Variants in PIAS1 observed in about 807,000 individuals in gnomAD.
PIAS1 encodes protein inhibitor of activated STAT 1, also known as E3 SUMO-protein ligase PIAS1.
Under a neutral mutation model 71.3 loss-of-function variants are expected in PIAS1, and 6 were observed. The ratio of observed to expected loss-of-function variants is 0.08; its 90% CI spans 0.05 to 0.17. The LOEUF (loss-of-function observed/expected upper bound fraction) is 0.17, where lower values mean the gene tolerates loss of function less well. Among genes scored for constraint, PIAS1 ranks in the 10% least tolerant of loss-of-function variants. The pLI is 1.00. For missense variants in PIAS1, 555 were observed against 793.6 expected, an observed-to-expected ratio of 0.70 and a Z score of 3.61; for synonymous variants, 303 against 292.9, an observed-to-expected ratio of 1.03 and a Z score of -0.35.
Position 68,086,638 on chromosome 15 carries a change from A to G in PIAS1, c.357A>G (p.Glu119=), listed in dbSNP as rs1179067211. The change falls in exon 2 of 14, where the codon GAA becomes GAG. Residue 119 remains glutamate, a synonymous_variant. Coordinates refer to ENST00000249636, the MANE Select transcript of PIAS1 (RefSeq NM_016166.3). This position sits in a 1 kb window ranked among gnomAD's most constrained non-coding sequence, Gnocchi z 7.2. ...LPVSLLGPKH[E]LELPHLTSAL... is the part of the protein sequence containing the mutation. ...TTTCTCTTCTGGGACCTAAACATGA[A>G]CTGGAACTCCCACATCTTACATCAG... The G allele has an allele frequency of 2.5e-6, 4 of 1,613,354 alleles. No homozygotes were observed. The highest frequency in any genetic ancestry group is 1.1e-5 in the South Asian group (1 of 91,058).
intron 1 of PIAS1, chr15:68,055,686 G>A (rs1224688538): frequency 2.4e-6 from 1 of 420,654 alleles, no homozygotes; most frequent in Non-Finnish European, 4.2e-6. Flanking sequence ...TGACATCTCT[G>A]TCAGAGAGGA....
chr15:68,157,618 T>A (rs2092899596), intron 7 of PIAS1, among the ~76,000 whole-genome samples: 1 of 152,156 alleles, frequency 6.6e-6, no homozygotes, highest in Non-Finnish European at 1.5e-5. Context: ...TCCTTGAAAT[T>A]CTCTCCTTTC....
chr15:68,098,013 C>T (rs78486329), intron 2 of PIAS1, among the ~76,000 whole-genome samples: 1 of 152,034 alleles, frequency 6.6e-6, no homozygotes, highest in African/African-American at 2.4e-5. Context: ...CCAAAACTTC[C>T]TTTGAATATT....
At chr15:68,124,645 G>A (rs997014565) in intron 2 of PIAS1, among the ~76,000 whole-genome samples, 2 of 152,004 alleles carry the variant, frequency 1.3e-5, no homozygotes, top group South Asian at 4.1e-4. Flanking sequence ...CTCTTGAACC[G>A]GGAGGCAGAT....
At position 68,164,024 on chromosome 15, in the gene PIAS1, A is replaced by G. The variant is rs73423792; in HGVS notation, c.935-707A>G. ...AAAGAGAATGAAAGAACAGCCTTGG[A>G]AAAGTAAAATTACTAGTGTCTCCTC... On this transcript the variant is annotated intron_variant, in intron 7 of 13. Coordinates refer to ENST00000249636, the MANE Select transcript of PIAS1 (RefSeq NM_016166.3). 1.8e-3 allele frequency among the ~76,000 whole-genome samples: 277 copies of G among 152,314 alleles called. 1 individual carries two copies. The highest frequency in any genetic ancestry group is 6.0e-3 in the African/African-American group (249 of 41,572).
Position 68,167,941 on chromosome 15 carries a change from A to G in PIAS1, c.1008+3137A>G, listed in dbSNP as rs2092967362. Among the ~76,000 whole-genome samples, 1 of 152,114 alleles carries G rather than the reference A, an allele frequency of 6.6e-6. No homozygotes were observed. Among genetic ancestry groups the G allele is most frequent in the African/African-American group, 2.4e-5 (1 of 41,412 alleles). On this transcript the variant is annotated intron_variant, in intron 8 of 13. Transcript: ENST00000249636. The surrounding 1 kb of genome is among the most constrained non-coding windows in gnomAD (Gnocchi z 4.4). Reference sequence around the variant, plus strand: ...AGGCTGGTCTCAAACTCCTGACCTCAGGTGATCTGCTTGCCTTAGCTTCCC... The same window carrying G: ...AGGCTGGTCTCAAACTCCTGACCTCGGGTGATCTGCTTGCCTTAGCTTCCC...
At chr15:68,100,814 A>G (rs1480427186) in intron 2 of PIAS1, among the ~76,000 whole-genome samples, 1 of 151,928 alleles carries the variant, frequency 6.6e-6, no homozygotes, top group Admixed American at 6.6e-5. Context: ...CCTTGTCAGC[A>G]TTTGATGCTA....
At position 68,186,467 on chromosome 15, in the gene PIAS1, A is replaced by G. The variant is rs2093088348; in HGVS notation, c.1663-1075A>G. Among the ~76,000 whole-genome samples the G allele has an allele frequency of 6.6e-6, 1 of 152,266 alleles. No individual in the cohort carries two copies. The highest frequency in any genetic ancestry group is 6.5e-5 in the Admixed American group (1 of 15,290). On this transcript the variant is annotated intron_variant, in intron 13 of 13. Coordinates refer to ENST00000249636, the MANE Select transcript of PIAS1 (RefSeq NM_016166.3). The surrounding 1 kb of genome is among the most constrained non-coding windows in gnomAD (Gnocchi z 4.4). ...TGTTACAAGAGTCAAAGTTTTAAAA[A>G]ATCAGTTTATAAAGTAAAATTAGTT...
intron 7 of PIAS1, among the ~76,000 whole-genome samples, chr15:68,159,559 A>G (rs1335842998): frequency 1.3e-5 from 2 of 152,164 alleles, no homozygotes; most frequent in Non-Finnish European, 1.5e-5. Context: ...GGTAAATGCA[A>G]TCCTACAATA....
At chr15:68,151,168 A>C (rs1435437696) in intron 6 of PIAS1, among the ~76,000 whole-genome samples, 1 of 151,968 alleles carries the variant, frequency 6.6e-6, no homozygotes, top group Non-Finnish European at 1.5e-5. Context: ...TGTCACTATT[A>C]AGCTTTGGTG....
chr15:68,055,869 C>T, intron 1 of PIAS1: 1 of 698,756 alleles, frequency 1.4e-6, no homozygotes, highest in Non-Finnish European at 2.6e-6. Flanking sequence ...GAGCTTTTCT[C>T]CTAATAACTT....
At chr15:68,085,289 G>A (rs1595711748) in intron 1 of PIAS1, among the ~76,000 whole-genome samples, 1 of 152,186 alleles carries the variant, frequency 6.6e-6, no homozygotes, top group East Asian at 1.9e-4. Flanking sequence ...TGTGATCTTG[G>A]GTAAGTGATT....
intron 2 of PIAS1, among the ~76,000 whole-genome samples, chr15:68,128,135 G>A (rs2092664865): frequency 1.3e-5 from 2 of 151,984 alleles, no homozygotes; most frequent in Admixed American, 6.6e-5. Context: ...TTCAAATATG[G>A]CTGCCCATTT....
rs2093112367 is a variant in PIAS1, at chr15:68,190,124, C to A, written c.*2289C>A. The A allele has an allele frequency of 6.6e-6, 1 of 152,204 alleles. No individual in the cohort carries two copies. Among genetic ancestry groups the A allele is most frequent in the Non-Finnish European group, 1.5e-5 (1 of 68,038 alleles). The allele number at this position is 152,204 out of a possible 1,614,324, so 9.4% of individuals were successfully genotyped here. A position where few individuals can be genotyped will look rare whatever the true frequency, so the allele number is the denominator to read the frequency against. ...ATCCAGTTGAAAACGTATCCCTCTACTTTCTTCAGTTGTAGAAAAGGTTAA... is the reference window on the plus strand; with the variant it reads ...ATCCAGTTGAAAACGTATCCCTCTAATTTCTTCAGTTGTAGAAAAGGTTAA... On this transcript the variant is annotated 3_prime_UTR_variant, in exon 14 of 14. Transcript: ENST00000249636. This position sits in a 1 kb window ranked among gnomAD's most constrained non-coding sequence, Gnocchi z 4.7.
At chr15:68,165,034 C>G (rs1313134320) in intron 8 of PIAS1, among the ~76,000 whole-genome samples, 1 of 152,140 alleles carries the variant, frequency 6.6e-6, no homozygotes, top group African/African-American at 2.4e-5. Flanking sequence ...TGATTAATGA[C>G]CATCTCTCAG....
intron 1 of PIAS1, among the ~76,000 whole-genome samples, chr15:68,060,763 A>G (rs576085860): frequency 8.0e-5 from 12 of 150,540 alleles, no homozygotes; most frequent in African/African-American, 2.4e-4. Context: ...AAGGATCCAC[A>G]ATCTCTGCCT....
Position 68,188,473 on chromosome 15 carries a change from C to G in PIAS1, c.*638C>G, listed in dbSNP as rs1162718684. ...TATTTTTCTGTCATCACTGTTCCCT[C>G]TCCTCCCGAGTGTGCATTCAGTTAA... On this transcript the variant is annotated 3_prime_UTR_variant, in exon 14 of 14. Coordinates refer to ENST00000249636, the MANE Select transcript of PIAS1 (RefSeq NM_016166.3). The G allele has an allele frequency of 6.6e-6, 1 of 152,440 alleles. No homozygotes were observed. The highest frequency in any genetic ancestry group is 6.5e-5 in the Admixed American group (1 of 15,302). 9.4% of individuals were successfully genotyped at this position (152,440 alleles called of 1,614,324 possible). A position where few individuals can be genotyped will look rare whatever the true frequency, so the allele number is the denominator to read the frequency against.
intron 2 of PIAS1, among the ~76,000 whole-genome samples, chr15:68,095,267 C>T (rs886199942): frequency 1.3e-5 from 2 of 151,996 alleles, no homozygotes; most frequent in East Asian, 3.9e-4. Context: ...GTTTGAAATG[C>T]AGCATTTCAG....
chr15:68,176,500 C>A lies in PIAS1; in HGVS notation c.1327C>A (p.Gln443Lys). Residue 443 changes from glutamine to lysine, a missense_variant, in exon 11 of 14, where the codon CAG (glutamine) becomes AAG (lysine). Coordinates refer to ENST00000249636, the MANE Select transcript of PIAS1 (RefSeq NM_016166.3). ...DGCLSSTLEHQVASHHQSSNK... is the reference protein window; with the variant it reads ...DGCLSSTLEHKVASHHQSSNK... ...ATGCTTGAGCTCCACATTGGAGCAT[C>A]AGGTAGCGTCTCACCACCAGTCCTC... 1.9e-6 allele frequency: 3 copies of A among 1,606,230 alleles called. No homozygotes were observed. The highest frequency in any genetic ancestry group is 2.5e-6 in the Non-Finnish European group (3 of 1,177,078).
Sources: gnomAD v4.1 joint callset for allele counts (sites outside exome capture counted in the v4.1 genomes callset) on GRCh38, gnomAD v4.1.1 for gene constraint, Gnocchi (gnomAD v3.1) non-coding constraint, MANE v1.5 for transcripts, NCBI Gene and HGNC (gene_info 2026-07-23, HGNC 2026-07-21) for gene names.